The following EIPR1 variants were observed in gnomAD, a reference collection of about 807,000 sequenced individuals.
The protein encoded by EIPR1 is EARP and GARP complex-interacting protein 1.
Under a neutral mutation model 48.1 loss-of-function variants are expected in EIPR1, and 25 were observed. The observed-to-expected ratio is 0.52, with a 90% CI of 0.38 to 0.73. The LOEUF is 0.73. Ranked by LOEUF, EIPR1 falls within the 30% of genes least tolerant of loss-of-function variation. EIPR1 has a pLI of 0.00. For missense variants in EIPR1, 415 were observed against 506.2 expected, an observed-to-expected ratio of 0.82 and a Z score of 1.73; for synonymous variants, 204 against 201.9, an observed-to-expected ratio of 1.01 and a Z score of -0.09.
chr2:3,298,575 T>C (rs1668670579), intron 3 of EIPR1: 2 of 151,970 alleles, frequency 1.3e-5, no homozygotes, highest in Admixed American at 1.3e-4. Context: ...ATAATGATCC[T>C]CCCCTGGCTG....
At chr2:3,266,346 C>T (rs1043881299) in intron 3 of EIPR1, among the ~76,000 whole-genome samples, 14 of 152,200 alleles carry the variant, frequency 9.2e-5, no homozygotes, top group African/African-American at 3.4e-4. Context: ...TGGATGAGGA[C>T]AAATGACAGC....
At chr2:3,241,745 G>A (rs990408058) in intron 4 of EIPR1, among the ~76,000 whole-genome samples, 5 of 152,126 alleles carry the variant, frequency 3.3e-5, no homozygotes, top group African/African-American at 1.2e-4. Flanking sequence ...GTGTCAATAA[G>A]CCCAGATAAA....
intron 3 of EIPR1, among the ~76,000 whole-genome samples, chr2:3,270,752 T>C (rs577222012): frequency 4.7e-4 from 72 of 152,356 alleles, no homozygotes; most frequent in African/African-American, 1.7e-3. Context: ...GGGTTTTGCC[T>C]TAATGGCAAA....
chr2:3,367,183 T>C (rs983811858), intron 1 of EIPR1, among the ~76,000 whole-genome samples: 5 of 151,646 alleles, frequency 3.3e-5, no homozygotes, highest in African/African-American at 1.2e-4. Flanking sequence ...CAGAAATGCC[T>C]CTGCAAGGGT....
Position 3,192,311 on chromosome 2 carries a change from G to A in EIPR1, c.989+103C>T, listed in dbSNP as rs1572271503. 3.0e-6 allele frequency: 4 copies of A among 1,336,736 alleles called. No homozygotes were observed. In the Admixed American group the frequency reaches 9.2e-5, roughly 31 times the overall value. The allele number at this position is 1,336,736 out of a possible 1,614,324, so 82.8% of individuals were successfully genotyped here. ...TGGGTAAGGAGAGTGTCCCCCAAAT[G>A]CACTCCTGGAAACTTTCTACATACA... On this transcript the variant is annotated intron_variant, in intron 8 of 8. Coordinates refer to ENST00000382125, the MANE Select transcript of EIPR1 (RefSeq NM_003310.5).
intron 3 of EIPR1, among the ~76,000 whole-genome samples, chr2:3,257,967 G>A (rs1171424254): frequency 1.3e-5 from 2 of 152,208 alleles, no homozygotes; most frequent in Non-Finnish European, 2.9e-5. Context: ...GAGTATCTGG[G>A]ACCGGAAGGT....
At chr2:3,376,039 C>T (rs946517160) in intron 1 of EIPR1, among the ~76,000 whole-genome samples, 2 of 151,966 alleles carry the variant, frequency 1.3e-5, no homozygotes, top group Non-Finnish European at 2.9e-5. Flanking sequence ...CTTTGGGAGG[C>T]CAAGGAGGGC....
rs56963007 is a variant in EIPR1, at chr2:3,210,627, C to CTTTTTTTTTTTTT, written c.516+3509_516+3521dup. ...TCTTCTCACTGTTTACCTCCCAATT[C>CTTTTTTTTTTTTT]TTTTTTTTTTTTTTTTTTTTTGAGA... On this transcript the variant is annotated intron_variant, in intron 5 of 8. Transcript: ENST00000382125. Among the ~76,000 whole-genome samples, 2 of 118,418 alleles carry CTTTTTTTTTTTTT rather than the reference C, an allele frequency of 1.7e-5. 1 individual carries two copies. 77.7% of individuals were successfully genotyped at this position (118,418 alleles called of 152,430 possible). A position where few individuals can be genotyped will look rare whatever the true frequency, so the allele number is the denominator to read the frequency against.
chr2:3,274,035 G>T (rs1667775432), intron 3 of EIPR1, among the ~76,000 whole-genome samples: 1 of 152,148 alleles, frequency 6.6e-6, no homozygotes, highest in South Asian at 2.1e-4. Flanking sequence ...AGTCTCTGTT[G>T]GCAATTTAAC....
At chr2:3,352,553 G>A (rs1461797017) in intron 2 of EIPR1, among the ~76,000 whole-genome samples, 2 of 152,246 alleles carry the variant, frequency 1.3e-5, no homozygotes, top group African/African-American at 2.4e-5. Context: ...CTTATGGCTT[G>A]ATGATCCAGA....
In EIPR1 at chr2:3,218,454, G is replaced by A. The variant is rs529473673; in HGVS notation, c.417-4206C>T. On this transcript the variant is annotated intron_variant, in intron 4 of 8. Transcript: ENST00000382125. ...TGCACACCCAACACGGCCCCGATACGCTCTAGAGCATTCACAGTGAGTCAG... is the reference window on the plus strand; with the variant it reads ...TGCACACCCAACACGGCCCCGATACACTCTAGAGCATTCACAGTGAGTCAG... 4.9e-4 allele frequency among the ~76,000 whole-genome samples: 53 copies of A among 108,822 alleles called. No homozygotes were observed. The East Asian group carries it at 0.01, about 21-fold the overall frequency. The allele number at this position is 108,822 out of a possible 152,430, so 71.4% of individuals were successfully genotyped here. A position where few individuals can be genotyped will look rare whatever the true frequency, so the allele number is the denominator to read the frequency against.
Position 3,359,688 on chromosome 2 carries a change from TA to T in EIPR1, c.43-5056del, listed in dbSNP as rs1358034707. The stretch of plus-strand genomic sequence containing the variant: ...TGACAGATCTCCAAGTGTATAATTC[TA>T]CCTCTTTGATTAAAGTAATGATAAA... On this transcript the variant is annotated intron_variant, in intron 1 of 8. Transcript: ENST00000382125. Among the ~76,000 whole-genome samples, 33 of 152,350 alleles carry T rather than the reference TA, an allele frequency of 2.2e-4. 1 individual carries two copies. The highest frequency in any genetic ancestry group is 1.4e-3 in the South Asian group (7 of 4,830).
Position 3,325,557 on chromosome 2 carries a change from C to T in EIPR1, c.259+12460G>A, listed in dbSNP as rs28692771. ...CTGTGCCACCCTCCCTACTCCCAAC[C>T]CCCGAAAACAGAGCTTCTGTCCTTG... On this transcript the variant is annotated intron_variant, in intron 3 of 8. Coordinates refer to ENST00000382125, the MANE Select transcript of EIPR1 (RefSeq NM_003310.5). Among the ~76,000 whole-genome samples, 1,100 of 152,246 alleles carry T rather than the reference C, an allele frequency of 7.2e-3. 13 individuals carry two copies. Among genetic ancestry groups the T allele is most frequent in the African/African-American group, 0.025 (1,059 of 41,536 alleles).
At chr2:3,319,017 G>A (rs1201709938) in intron 3 of EIPR1, 5 of 460,830 alleles carry the variant, frequency 1.1e-5, no homozygotes, top group South Asian at 4.7e-5. Flanking sequence ...AAAATAGTTG[G>A]GTCCATAACA....
Position 3,351,061 on chromosome 2 carries a change from C to T in EIPR1, c.126+3489G>A, listed in dbSNP as rs550298985. Among the ~76,000 whole-genome samples the T allele has an allele frequency of 8.0e-4, 118 of 147,586 alleles. No homozygotes were observed. In the South Asian group the frequency reaches 0.018, roughly 23 times the overall value. The stretch of plus-strand genomic sequence containing the variant: ...TCACCCAGCCTGGAGTGCAGTGGTG[C>T]GATCTCGGCTCACTGCAACCTCCAT... On this transcript the variant is annotated intron_variant, in intron 2 of 8. Coordinates refer to ENST00000382125, the MANE Select transcript of EIPR1 (RefSeq NM_003310.5).
intron 5 of EIPR1, among the ~76,000 whole-genome samples, chr2:3,204,792 T>C (rs1210930912): frequency 6.6e-6 from 1 of 152,176 alleles, no homozygotes; most frequent in African/African-American, 2.4e-5. Flanking sequence ...TGGCTTGATT[T>C]GGAGGACAGG....
intron 7 of EIPR1, among the ~76,000 whole-genome samples, chr2:3,193,309 G>A (rs1015730091): frequency 2.6e-5 from 4 of 152,204 alleles, no homozygotes; most frequent in African/African-American, 9.6e-5. Flanking sequence ...ATACAGAGAT[G>A]CAGGCCATAG....
At chr2:3,269,195 T>G (rs1667589935) in intron 3 of EIPR1, among the ~76,000 whole-genome samples, 1 of 151,802 alleles carries the variant, frequency 6.6e-6, no homozygotes, top group South Asian at 2.1e-4. Context: ...GCAGCCACAC[T>G]CAATCATCAC....
chr2:3,328,189 A>T (rs546800555), intron 3 of EIPR1, among the ~76,000 whole-genome samples: 106 of 152,332 alleles, frequency 7.0e-4, no homozygotes, highest in African/African-American at 2.5e-3. Flanking sequence ...CACCTGTCAC[A>T]GCAGACTACC....
Sources: allele counts gnomAD v4.1 joint callset (sites outside exome capture counted in the v4.1 genomes callset), GRCh38; gene constraint gnomAD v4.1.1; transcripts MANE v1.5; gene names NCBI Gene and HGNC (gene_info 2026-07-23, HGNC 2026-07-21).